CACNA1B: variants seen among roughly 807,000 people sequenced by gnomAD.
CACNA1B encodes the protein voltage-dependent N-type calcium channel subunit alpha-1B.
Under a neutral mutation model 247.2 loss-of-function variants are expected in CACNA1B, and 70 were observed. The ratio of observed to expected loss-of-function variants is 0.28; its 90% confidence interval spans 0.23 to 0.35. The LOEUF is 0.35. Among genes scored for constraint, CACNA1B ranks in the 10% least tolerant of loss-of-function variants. The probability of loss-of-function intolerance (pLI) is 1.00; values close to 1 mark genes in which losing one functional copy is unlikely to be tolerated. For missense variants in CACNA1B, 2,367 were observed against 3,197.4 expected (o/e 0.74, Z 6.26); for synonymous variants, 1,231 against 1,294.4 (o/e 0.95, Z 1.05).
At chr9:137,935,109 T>G (rs1361788981) in intron 6 of CACNA1B, among the ~76,000 whole-genome samples, 4 of 152,324 alleles carry the variant, frequency 2.6e-5, no homozygotes, top group Admixed American at 2.6e-4. Flanking sequence ...AAATTTTCTT[T>G]TTTTTCATTA....
chr9:138,034,907 A>G (rs552451513), intron 20 of CACNA1B, among the ~76,000 whole-genome samples: 6 of 152,336 alleles, frequency 3.9e-5, no homozygotes, highest in Non-Finnish European at 7.3e-5. Flanking sequence ...ATTAAGTAAA[A>G]TAAGGGTTAC....
chr9:138,048,480 T>C (rs543533273), intron 23 of CACNA1B, among the ~76,000 whole-genome samples: 6 of 152,300 alleles, frequency 3.9e-5, no homozygotes, highest in Admixed American at 3.9e-4. Flanking sequence ...GTAGGGATAT[T>C]TGGGTCCATG....
Position 137,955,765 on chromosome 9 carries a change from C to T in CACNA1B, c.1138C>T (p.Gln380Ter). The change falls in exon 8 of 47, where the codon CAG becomes TAG. Residue 380 changes from glutamine (Q) to a stop codon, truncating the protein, a stop_gained. Transcript: ENST00000371372. LOFTEE classifies it high-confidence loss of function. This position sits in a 1 kb window ranked among gnomAD's most constrained non-coding sequence, Gnocchi z 6.9. ...CTTCCTGAAGCTGCGCCGGCAGCAG[C>T]AGATCGAGCGAGAGCTCAACGGGTA... is the stretch of plus-strand genomic sequence containing the variant. ...RAFLKLRRQQ[Q>*]IERELNGYLE... 6.2e-7 allele frequency: 1 copy of T among 1,612,734 alleles called. No individual in the cohort carries two copies.
rs527886217 is a variant in CACNA1B at position 138,077,204 on chromosome 9, C to G, written c.4950-910C>G. Among the ~76,000 whole-genome samples the G allele has an allele frequency of 2.6e-5, 4 of 152,222 alleles. No homozygotes were observed. In the South Asian group the frequency reaches 8.3e-4, roughly 32 times the overall value. Reference sequence around the variant, plus strand: ...CGGCTGTCATCAGTGAGGAGTGGGCCCAGCTTACGCCTGGGGCTGCGCACA... The same window carrying G: ...CGGCTGTCATCAGTGAGGAGTGGGCGCAGCTTACGCCTGGGGCTGCGCACA... On this transcript the variant is annotated intron_variant, in intron 35 of 46. Coordinates refer to ENST00000371372, the MANE Select transcript of CACNA1B (RefSeq NM_000718.4).
rs1385982531 is a variant in CACNA1B at position 137,881,977 on chromosome 9, G to T, written c.391-767G>T. Among the ~76,000 whole-genome samples the T allele has an allele frequency of 6.6e-6, 1 of 152,126 alleles. No homozygotes were observed. The highest frequency in any genetic ancestry group is 1.5e-5 in the Non-Finnish European group (1 of 67,996). On this transcript the variant is annotated intron_variant, in intron 2 of 46. Transcript: ENST00000371372. This position sits in a 1 kb window ranked among gnomAD's most constrained non-coding sequence, Gnocchi z 4.3. ...CCACGCCCTCTGGGAGGCTCCCTGCGGTCTGAGCCCAGGGTGGCTCCCAGC... is the reference window on the plus strand; with the variant it reads ...CCACGCCCTCTGGGAGGCTCCCTGCTGTCTGAGCCCAGGGTGGCTCCCAGC...
chr9:138,105,781 C>T lies in CACNA1B; in HGVS notation c.5402C>T (p.Thr1801Met), dbSNP rs1208520621. 5.1e-6 allele frequency: 8 copies of T among 1,559,510 alleles called. No homozygotes were observed. Among genetic ancestry groups the T allele is most frequent in the East Asian group, 2.4e-5 (1 of 41,572 alleles). Residue 1801 changes from threonine to methionine, a missense_variant, in exon 39 of 47, where the codon ACG (threonine) becomes ATG (methionine). Coordinates refer to ENST00000371372, the MANE Select transcript of CACNA1B (RefSeq NM_000718.4). ...TCCACGCTGATGGCCCTCATCCGGA[C>T]GGCACTGGAGATCAAGCTGGCCCCA... is the stretch of plus-strand genomic sequence containing the variant. ...FTSTLMALIR[T>M]ALEIKLAPAG...
intron 6 of CACNA1B, among the ~76,000 whole-genome samples, chr9:137,934,412 C>A (rs1021575077): frequency 1.3e-5 from 2 of 152,216 alleles, no homozygotes; most frequent in Admixed American, 1.3e-4. Context: ...TTTTGGAGAT[C>A]ATGGCAGACG....
At chr9:138,101,123 G>C in intron 37 of CACNA1B, 1 of 533,132 alleles carries the variant, frequency 1.9e-6, no homozygotes, top group Non-Finnish European at 3.8e-6. Flanking sequence ...TCATTATAAG[G>C]ATATGTACAG....
Position 138,121,294 on chromosome 9 carries a change from C to A in CACNA1B, c.6490-175C>A, listed in dbSNP as rs1048427274. On this transcript the variant is annotated intron_variant, in intron 46 of 46. Coordinates refer to ENST00000371372, the MANE Select transcript of CACNA1B (RefSeq NM_000718.4). The surrounding 1 kb of genome is among the most constrained non-coding windows in gnomAD (Gnocchi z 6.8). ...CCTGGGCCTGACCCTGACCATCGCC[C>A]TCCCCCGCACACAGGTGCCTGTTGC... Among the ~76,000 whole-genome samples the A allele has an allele frequency of 2.0e-5, 3 of 152,278 alleles. No homozygotes were observed. The highest frequency in any genetic ancestry group is 7.2e-5 in the African/African-American group (3 of 41,536).
At chr9:138,029,603 C>T (rs1027533114) in intron 20 of CACNA1B, among the ~76,000 whole-genome samples, 1 of 120,256 alleles carries the variant, frequency 8.3e-6, no homozygotes, top group Non-Finnish European at 1.6e-5. Context: ...TTGTGTTTTT[C>T]TTTTCCTTTT....
chr9:137,962,227 C>A (rs972443696), intron 10 of CACNA1B, among the ~76,000 whole-genome samples: 5 of 151,378 alleles, frequency 3.3e-5, no homozygotes, highest in African/African-American at 1.2e-4. Context: ...GTGGTGATAT[C>A]TCCTTTATCA....
chr9:137,961,702 T>A (rs372729593), intron 10 of CACNA1B, among the ~76,000 whole-genome samples: 1 of 152,220 alleles, frequency 6.6e-6, no homozygotes, highest in African/African-American at 2.4e-5. Context: ...CAACCTTGCA[T>A]CCCAGGGATG....
At chr9:138,089,842 G>A (rs1036750775) in intron 36 of CACNA1B, among the ~76,000 whole-genome samples, 4 of 152,042 alleles carry the variant, frequency 2.6e-5, no homozygotes, top group Admixed American at 6.6e-5. Flanking sequence ...CAACAAACTA[G>A]CAGAAAAGAA....
chr9:138,076,022 C>T (rs539960247), intron 35 of CACNA1B, 112 bp downstream of exon 35: 73 of 704,900 alleles, frequency 1.0e-4, no homozygotes, highest in South Asian at 1.8e-4. Flanking sequence ...TCTAATTCCC[C>T]GACCCCACTG....
chr9:137,913,031 G>T lies in CACNA1B; in HGVS notation c.531-149G>T, dbSNP rs1957374813. Reference sequence around the variant, plus strand: ...TGTGGTTGGACAGTGGGGGGACACAGGTGCTGGCCCTGTGGTTGGACAGTG... The same window carrying T: ...TGTGGTTGGACAGTGGGGGGACACATGTGCTGGCCCTGTGGTTGGACAGTG... On this transcript the variant is annotated intron_variant, in intron 3 of 46. Transcript: ENST00000371372. This position sits in a 1 kb window ranked among gnomAD's most constrained non-coding sequence, Gnocchi z 5.2. The T allele has an allele frequency of 4.7e-6, 3 of 635,720 alleles. No homozygotes were observed. The highest frequency in any genetic ancestry group is 8.4e-6 in the Non-Finnish European group (3 of 356,210). The allele number at this position is 635,720 out of a possible 1,614,324, so 39.4% of individuals were successfully genotyped here. A position where few individuals can be genotyped will look rare whatever the true frequency, so the allele number is the denominator to read the frequency against.
At chr9:138,066,517 G>T (rs1430360531) in intron 31 of CACNA1B, among the ~76,000 whole-genome samples, 1 of 152,180 alleles carries the variant, frequency 6.6e-6, no homozygotes, top group African/African-American at 2.4e-5. Context: ...AGAGACAAGT[G>T]CTGCTGTGGG....
At chr9:138,060,870 C>T (rs1257657404) in intron 31 of CACNA1B, among the ~76,000 whole-genome samples, 1 of 152,150 alleles carries the variant, frequency 6.6e-6, no homozygotes, top group African/African-American at 2.4e-5. Flanking sequence ...CATCCCGTTC[C>T]CCCCACCCTT....
At chr9:138,028,335 A>G (rs1200892139) in intron 20 of CACNA1B, among the ~76,000 whole-genome samples, 2 of 152,106 alleles carry the variant, frequency 1.3e-5, no homozygotes, top group African/African-American at 4.8e-5. Context: ...ATTATTTTAA[A>G]TGGTAAAACA....
chr9:137,999,071 C>T (rs1314969904), intron 15 of CACNA1B, among the ~76,000 whole-genome samples: 2 of 152,054 alleles, frequency 1.3e-5, no homozygotes, highest in African/African-American at 4.8e-5. Flanking sequence ...CTTTGGGAGG[C>T]CGAAGTGGGC....
Sources: gnomAD v4.1 joint callset for allele counts (sites outside exome capture counted in the v4.1 genomes callset) on GRCh38, gnomAD v4.1.1 for gene constraint, Gnocchi (gnomAD v3.1) non-coding constraint, MANE v1.5 for transcripts, NCBI Gene and HGNC (gene_info 2026-07-23, HGNC 2026-07-21) for gene names.